The following PER2 variants were observed in gnomAD, a reference collection of about 807,000 sequenced individuals.
PER2 encodes the protein period circadian regulator 2.
A neutral mutation model predicts 121.0 loss-of-function variants in PER2; 66 were observed. That is an observed-to-expected ratio of 0.55 (90% CI 0.45 to 0.67). The LOEUF (loss-of-function observed/expected upper bound fraction) is 0.67. Among genes scored for constraint, PER2 ranks in the 30% least tolerant of loss-of-function variants. The pLI is 0.00. For missense variants in PER2, 1,521 were observed against 1,635.0 expected (o/e 0.93, Z 1.20); for synonymous variants, 684 against 659.9 (o/e 1.04, Z -0.56).
At chr2:238,294,196 G>A (rs912706877), upstream of PER2, among the ~76,000 whole-genome samples, 4 of 152,232 alleles carry the variant, frequency 2.6e-5, no homozygotes, top group Non-Finnish European at 5.9e-5. Flanking sequence ...GACCTTACCC[G>A]GGCAGGCCCC....
chr2:238,269,139 T>C (rs545159672), intron 6 of PER2, among the ~76,000 whole-genome samples, 165 bp from the exon 7 acceptor site: 2 of 152,376 alleles, frequency 1.3e-5, no homozygotes, highest in Admixed American at 6.5e-5. Context: ...AACCTTCTAT[T>C]ACATTTTTGA....
rs142360297 is a variant in PER2, at chr2:238,263,626, C to G, written c.1047-568G>C. Among the ~76,000 whole-genome samples, 247 of 152,260 alleles carry G rather than the reference C, an allele frequency of 1.6e-3. 1 individual carries two copies. The highest frequency in any genetic ancestry group is 5.7e-3 in the African/African-American group (238 of 41,548). ...ATTGCAGGACGGAGCTGAACTTCAG[C>G]AGCACCTTCTGCTTCTGTTTGTGTC... On this transcript the variant is annotated intron_variant, in intron 9 of 22. Transcript: ENST00000254657.
chr2:238,293,440 T>A (rs116312660), upstream of PER2, among the ~76,000 whole-genome samples: 1,162 of 152,222 alleles, frequency 7.6e-3, 12 homozygotes, highest in African/African-American at 0.027. Flanking sequence ...TGAGAAAGGA[T>A]TAAAACCTCA....
rs184017310 is a variant in PER2, at chr2:238,277,932, T to C, written c.5A>G (p.Asn2Ser). 65 of 1,613,504 alleles carry C rather than the reference T, an allele frequency of 4.0e-5. No individual in the cohort carries two copies. Among genetic ancestry groups the C allele is most frequent in the Non-Finnish European group, 5.3e-5 (63 of 1,179,992 alleles). The stretch of plus-strand genomic sequence containing the variant: ...GCTGGGCGGAAATTCCGCGTATCCA[T>C]TCATGCTGGGCTCTGGAACGAAGCT... MNGYAEFPPSPS... is the reference protein window; with the variant it reads MSGYAEFPPSPS... Residue 2 changes from asparagine to serine, a missense_variant, in exon 2 of 23, where the codon AAT becomes AGT. Physicochemically the swap from Asn to Ser is conservative, Grantham distance 46 (BLOSUM62 1). Coordinates refer to ENST00000254657, the MANE Select transcript of PER2 (RefSeq NM_022817.3).
chr2:238,278,552 C>T (rs191932569), intron 1 of PER2, among the ~76,000 whole-genome samples: 43 of 152,314 alleles, frequency 2.8e-4, no homozygotes, highest in Non-Finnish European at 4.0e-4. Context: ...AATCAACACC[C>T]GGCCTGTGGG....
chr2:238,279,089 G>A (rs942806450), intron 1 of PER2, among the ~76,000 whole-genome samples: 1 of 152,150 alleles, frequency 6.6e-6, no homozygotes, highest in Non-Finnish European at 1.5e-5. Context: ...ATTAGCAGGT[G>A]AGAGGCCAAA....
At chr2:238,269,117 C>T in intron 6 of PER2, 143 bp from the exon 7 acceptor site, 1 of 696,860 alleles carries the variant, frequency 1.4e-6, no homozygotes, top group Admixed American at 2.4e-5. Context: ...AAAGTAAATC[C>T]TTTATGTGAG....
At chr2:238,279,043 G>C (rs1488782048) in intron 1 of PER2, among the ~76,000 whole-genome samples, 1 of 152,212 alleles carries the variant, frequency 6.6e-6, no homozygotes, top group African/African-American at 2.4e-5. Context: ...CTGAGGGGGG[G>C]TGAACAGAGA....
chr2:238,270,601 A>G (rs1696253819), intron 6 of PER2, among the ~76,000 whole-genome samples: 1 of 152,224 alleles, frequency 6.6e-6, no homozygotes, highest in South Asian at 2.1e-4. Context: ...GCTGGGGCAC[A>G]GGAGGCCCTG....
intron 1 of PER2, among the ~76,000 whole-genome samples, chr2:238,283,268 A>G (rs941287977): frequency 6.6e-6 from 1 of 152,134 alleles, no homozygotes; most frequent in African/African-American, 2.4e-5. Context: ...CAAGGGGGTG[A>G]GCACCCAGCT....
upstream of PER2, among the ~76,000 whole-genome samples, chr2:238,293,449 C>T (rs1373416473): frequency 6.6e-6 from 1 of 152,112 alleles, no homozygotes; most frequent in Non-Finnish European, 1.5e-5. Flanking sequence ...ATTAAAACCT[C>T]AAACTTTCTG....
At chr2:238,261,275 C>T (rs1279553782) in intron 12 of PER2, among the ~76,000 whole-genome samples, 1 of 152,246 alleles carries the variant, frequency 6.6e-6, no homozygotes, top group Non-Finnish European at 1.5e-5. Flanking sequence ...GCGATGACAG[C>T]TTCACTCCAC....
intron 22 of PER2, among the ~76,000 whole-genome samples, chr2:238,247,685 G>C (rs990349070): frequency 6.6e-6 from 1 of 152,222 alleles, no homozygotes; most frequent in African/African-American, 2.4e-5. Context: ...CATGTGCGAA[G>C]ATCCTGTGGC....
rs144909900 is a variant in PER2, at chr2:238,250,418, C to T, written c.3467+133G>A. 7.9e-4 allele frequency: 563 copies of T among 715,958 alleles called. No individual in the cohort carries two copies. The African/African-American group carries it at 8.9e-3, about 11-fold the overall frequency. 44.4% of individuals were successfully genotyped at this position (715,958 alleles called of 1,614,324 possible). A position where few individuals can be genotyped will look rare whatever the true frequency, so the allele number is the denominator to read the frequency against. The stretch of plus-strand genomic sequence containing the variant: ...ATTGTCCAGAGGGAAGCCTGCTTCT[C>T]TGCTGCACTCAGCTAAATCTAAGTC... On this transcript the variant is annotated intron_variant, in intron 21 of 22. Transcript: ENST00000254657.
At chr2:238,274,293 C>T (rs1218517963) in intron 4 of PER2, among the ~76,000 whole-genome samples, 1 of 152,242 alleles carries the variant, frequency 6.6e-6, no homozygotes, top group Non-Finnish European at 1.5e-5. Flanking sequence ...CTCGAGGCTG[C>T]CACTTGCCCT....
chr2:238,288,646 C>T (rs1459456336), upstream of PER2: 1 of 150,230 alleles, frequency 6.7e-6, no homozygotes, highest in Non-Finnish European at 1.5e-5. Context: ...CCACTTACCG[C>T]CGGCCGCGCC....
chr2:238,290,982 C>T (rs938045578), upstream of PER2, among the ~76,000 whole-genome samples: 3 of 152,162 alleles, frequency 2.0e-5, no homozygotes, highest in Non-Finnish European at 2.9e-5. Context: ...AGAGAGAGAG[C>T]GCAAATTGGG....
At position 238,255,703 on chromosome 2, in the gene PER2, G is replaced by A. The variant is rs201048436; in HGVS notation, c.2274C>T (p.Cys758=). ...IRKLSIFQSH[C]HYYLQERSKG... The stretch of plus-strand genomic sequence containing the variant: ...TGGATCTTTCTTGCAAGTAGTAATG[G>A]CAGTGGGACTGGAAAATGCTGAGTT... Residue 758 remains cysteine (C), a synonymous_variant, in exon 18 of 23, where the codon TGC becomes TGT. Transcript: ENST00000254657. 58 of 1,614,124 alleles carry A rather than the reference G, an allele frequency of 3.6e-5. No homozygotes were observed. In the East Asian group the frequency reaches 1.2e-3, roughly 33 times the overall value.
intron 17 of PER2, among the ~76,000 whole-genome samples, chr2:238,256,203 G>A (rs1267425953): frequency 1.3e-5 from 2 of 152,184 alleles, no homozygotes; most frequent in South Asian, 2.1e-4. Context: ...GATATCCCTC[G>A]GCTGTCCTTA....
Sources: allele counts gnomAD v4.1 joint callset (sites outside exome capture counted in the v4.1 genomes callset), GRCh38; gene constraint gnomAD v4.1.1; transcripts MANE v1.5; gene names NCBI Gene and HGNC (gene_info 2026-07-23, HGNC 2026-07-21).